TENM1: variants seen among roughly 807,000 people sequenced by gnomAD.
TENM1 encodes teneurin transmembrane protein 1, also known as teneurin-1.
In TENM1, 35 loss-of-function variants were observed where a neutral mutation model predicts 174.8. That is an observed-to-expected ratio of 0.20 (90% CI 0.15 to 0.27). The LOEUF (loss-of-function observed/expected upper bound fraction) is 0.27, where lower values mean the gene tolerates loss of function less well. TENM1 is among the 10% of genes least tolerant of loss of function. TENM1 has a pLI of 1.00. For synonymous variants in TENM1, 781 were observed against 798.7 expected (o/e 0.98, Z 0.37); for missense variants, 1,633 against 2,130.1 (o/e 0.77, Z 4.59).
At chrX:124,457,597 A>C (rs2061124036) in intron 22 of TENM1, among the ~76,000 whole-genome samples, 1 of 111,868 alleles carries the variant, frequency 8.9e-6, no homozygotes, top group Non-Finnish European at 1.9e-5. Flanking sequence ...GGCAGCCTGG[A>C]TAGTTACTTA....
the TENM1 span, among the ~76,000 whole-genome samples, chrX:125,091,893 G>A: frequency 4.8e-5 from 5 of 104,436 alleles, no homozygotes; most frequent in African/African-American, 7.1e-5. Context: ...GCTGAGGCAG[G>A]AGAATCGTTT....
At chrX:124,748,392 A>G (rs2053983185) in intron 3 of TENM1, among the ~76,000 whole-genome samples, 1 of 110,178 alleles carries the variant, frequency 9.1e-6, no homozygotes, top group Admixed American at 9.8e-5. Flanking sequence ...TTTAAATTTT[A>G]TTGTTATGTG....
intron 1 of TENM1, among the ~76,000 whole-genome samples, chrX:124,904,077 G>C (rs1051514923): frequency 9.0e-6 from 1 of 110,824 alleles, no homozygotes; most frequent in African/African-American, 3.3e-5. Flanking sequence ...GTGCGTGTGT[G>C]TGTGTGTCTG....
At chrX:125,052,324 G>A in the TENM1 span, among the ~76,000 whole-genome samples, 10 of 111,921 alleles carry the variant, frequency 8.9e-5, no homozygotes, top group Middle Eastern at 4.6e-3. Context: ...GGCCAAATAG[G>A]AACAGTACCA....
At chrX:124,520,726 C>T in exon 18 of TENM1, 8 of 1,207,406 alleles carry the variant, frequency 6.6e-6, no homozygotes, top group Non-Finnish European at 9.0e-6. Flanking sequence ...AGGGGTGCGG[C>T]TGCTCAGGTA....
intron 4 of TENM1, among the ~76,000 whole-genome samples, chrX:124,706,663 T>C (rs926270915): frequency 9.0e-6 from 1 of 111,682 alleles, no homozygotes; most frequent in Non-Finnish European, 1.9e-5. Context: ...ATGGAAGGAG[T>C]TGCCAAAAAC....
intron 3 of TENM1, among the ~76,000 whole-genome samples, chrX:124,795,683 G>C (rs1207672669): frequency 9.1e-6 from 1 of 110,086 alleles, no homozygotes; most frequent in Non-Finnish European, 1.9e-5. Flanking sequence ...GAGATGAAAT[G>C]TCACTTTAAC....
chrX:124,702,471 C>A (rs1251987410), intron 5 of TENM1, among the ~76,000 whole-genome samples: 2 of 112,359 alleles, frequency 1.8e-5, no homozygotes, highest in African/African-American at 6.5e-5. Flanking sequence ...TCTAAAAAAT[C>A]TCCCAGTAAA....
At chrX:125,166,609 A>C in the TENM1 span, among the ~76,000 whole-genome samples, 1 of 111,838 alleles carries the variant, frequency 8.9e-6, no homozygotes, top group Non-Finnish European at 1.9e-5. Flanking sequence ...GCTACCAAAA[A>C]TATTTGGATG....
At chrX:124,982,349 T>C in the TENM1 span, among the ~76,000 whole-genome samples, 2 of 108,203 alleles carry the variant, frequency 1.8e-5, no homozygotes, top group Non-Finnish European at 3.8e-5. Context: ...AACTAAGTTC[T>C]CCTATGCAGA....
intron 3 of TENM1, among the ~76,000 whole-genome samples, chrX:124,878,165 G>A (rs187985147): frequency 9.0e-6 from 1 of 111,347 alleles, no homozygotes; most frequent in East Asian, 2.9e-4. Flanking sequence ...CATTTAATGA[G>A]TTTTTACCTT....
At chrX:125,046,857 C>CGTGTGTGTGT in the TENM1 span, among the ~76,000 whole-genome samples, 2 of 98,230 alleles carry the variant, frequency 2.0e-5, no homozygotes, top group East Asian at 3.2e-4. Context: ...TGTGTGCATG[C>CGTGTGTGTGT]GTGTGTGTGT....
chrX:125,119,744 A>G, the TENM1 span, among the ~76,000 whole-genome samples: 1 of 111,660 alleles, frequency 9.0e-6, no homozygotes, highest in Non-Finnish European at 1.9e-5. Context: ...GAAATAATCT[A>G]GAATTCGTGA....
intron 11 of TENM1, among the ~76,000 whole-genome samples, chrX:124,638,737 C>T (rs996252361): frequency 9.0e-6 from 1 of 111,431 alleles, no homozygotes; most frequent in African/African-American, 3.3e-5. Context: ...CATATGCAAG[C>T]GGGATCTTCT....
intron 22 of TENM1, among the ~76,000 whole-genome samples, chrX:124,467,127 C>T (rs1319030586): frequency 9.0e-6 from 1 of 111,540 alleles, no homozygotes; most frequent in East Asian, 2.8e-4. Flanking sequence ...CCCCCAAATG[C>T]AGTCTAATAA....
At chrX:124,700,828 C>T (rs2052758919) in intron 5 of TENM1, among the ~76,000 whole-genome samples, 1 of 111,456 alleles carries the variant, frequency 9.0e-6, no homozygotes, top group African/African-American at 3.3e-5. Context: ...ACACACACCA[C>T]TCCTTTCATT....
intron 22 of TENM1, among the ~76,000 whole-genome samples, chrX:124,475,520 C>A (rs184557363): frequency 8.9e-6 from 1 of 111,756 alleles, no homozygotes; most frequent in Admixed American, 9.5e-5. Context: ...AATCTGGCTT[C>A]CACCTCTACC....
intron 1 of TENM1, among the ~76,000 whole-genome samples, chrX:124,911,322 G>A (rs1344879410): frequency 9.0e-6 from 1 of 111,663 alleles, no homozygotes; most frequent in Non-Finnish European, 1.9e-5. Flanking sequence ...CACTGTGGTA[G>A]GATCCAGGCA....
chrX:124,844,865 T>C (rs2056576519), intron 3 of TENM1, among the ~76,000 whole-genome samples: 1 of 111,317 alleles, frequency 9.0e-6, no homozygotes, highest in Non-Finnish European at 1.9e-5. Context: ...CCCCCTACTG[T>C]TTCTCAAAAT....
Sources: allele counts gnomAD v4.1 joint callset (sites outside exome capture counted in the v4.1 genomes callset), GRCh38; gene constraint gnomAD v4.1.1; transcripts MANE v1.5; gene names NCBI Gene and HGNC (gene_info 2026-07-23, HGNC 2026-07-21).